Variants in TSPAN17 observed in about 807,000 individuals in gnomAD.
TSPAN17 encodes tetraspanin 17.
TSPAN17 carries 33 observed loss-of-function variants against 40.5 expected under a neutral mutation model. The ratio of observed to expected loss-of-function variants is 0.81; its 90% CI spans 0.62 to 1.09. The LOEUF is 1.09. Ranked by LOEUF, TSPAN17 falls within the 50% of genes least tolerant of loss-of-function variation. The pLI is 0.00. For synonymous variants in TSPAN17, 166 were observed against 169.4 expected, an observed-to-expected ratio of 0.98 and a Z score of 0.15; for missense variants, 365 against 416.8, an observed-to-expected ratio of 0.88 and a Z score of 1.08.
At chr5:176,648,737 C>A (rs1760846054) in intron 1 of TSPAN17, among the ~76,000 whole-genome samples, 1 of 152,218 alleles carries the variant, frequency 6.6e-6, no homozygotes, top group South Asian at 2.1e-4. Context: ...CCTCTCCGGG[C>A]CTCAGCTTGC....
At chr5:176,655,976 A>G (rs1761140720) in intron 5 of TSPAN17, 102 bp from the exon 6 acceptor site, 1 of 1,038,198 alleles carries the variant, frequency 9.6e-7, no homozygotes, top group African/African-American at 1.6e-5. Flanking sequence ...CCACGGGCCC[A>G]TCTGCGTCCT....
At position 176,657,791 on chromosome 5, in the gene TSPAN17, C is replaced by A; in HGVS notation, c.*93C>A. 1 of 1,511,114 alleles carries A rather than the reference C, an allele frequency of 6.6e-7. No homozygotes were observed. Among genetic ancestry groups the A allele is most frequent in the Non-Finnish European group, 8.8e-7 (1 of 1,133,574 alleles). 93.6% of individuals were successfully genotyped at this position (1,511,114 alleles called of 1,614,324 possible). A position where few individuals can be genotyped will look rare whatever the true frequency, so the allele number is the denominator to read the frequency against. On this transcript the variant is annotated 3_prime_UTR_variant, in exon 9 of 9. Transcript: ENST00000508164. ...GGTGGCAACACTACCTGGGACACTG[C>A]CTCCCCAGTCACCAAGGGCCCCAGC...
chr5:176,652,671 G>A, intron 3 of TSPAN17, 72 bp from the exon 4 acceptor site: 2 of 1,492,012 alleles, frequency 1.3e-6, no homozygotes, highest in Non-Finnish European at 1.8e-6. Flanking sequence ...CTTCCCTGTG[G>A]CACACCCAAG....
chr5:176,657,209 C>A (rs970840525), intron 8 of TSPAN17: 3 of 618,398 alleles, frequency 4.9e-6, no homozygotes, highest in Admixed American at 3.0e-5. Context: ...AGGGAGCCAC[C>A]GTCTCGGCTA....
In TSPAN17 at chr5:176,656,278, G is replaced by A. The variant is rs1450558274; in HGVS notation, c.630+153G>A. 7.5e-6 allele frequency: 6 copies of A among 804,988 alleles called. No homozygotes were observed. The Admixed American group carries it at 7.6e-5, about 10-fold the overall frequency. The allele number at this position is 804,988 out of a possible 1,614,324, so 49.9% of individuals were successfully genotyped here. Reference sequence around the variant, plus strand: ...AGCCAGACACCCAGGCAGCGGAGGGGGAGTAGACCCCTGGGCCTGGGCAGA... The same window carrying A: ...AGCCAGACACCCAGGCAGCGGAGGGAGAGTAGACCCCTGGGCCTGGGCAGA... On this transcript the variant is annotated intron_variant, in intron 6 of 8. Coordinates refer to ENST00000508164, the MANE Select transcript of TSPAN17 (RefSeq NM_130465.5).
chr5:176,655,910 AC>A lies in TSPAN17; in HGVS notation c.583-167del, dbSNP rs200741950. 3.7e-3 allele frequency among the ~76,000 whole-genome samples: 541 copies of A among 147,716 alleles called. 1 individual carries two copies. Among genetic ancestry groups the A allele is most frequent in the Middle Eastern group, 7.0e-3 (2 of 286 alleles). On this transcript the variant is annotated intron_variant, in intron 5 of 8. Coordinates refer to ENST00000508164, the MANE Select transcript of TSPAN17 (RefSeq NM_130465.5). ...AGTGAGACCCTGTCTCAAAAAAAAAACAAAAGCACATGGGCCTCAGAGAGGC... is the reference window on the plus strand; with the variant it reads ...AGTGAGACCCTGTCTCAAAAAAAAAAAAAAGCACATGGGCCTCAGAGAGGC...
Position 176,657,841 on chromosome 5 carries a change from C to G in TSPAN17, c.*143C>G. On this transcript the variant is annotated 3_prime_UTR_variant, in exon 9 of 9. Transcript: ENST00000508164. ...CTGGCCCGTTCTACTCACCTAAGTG[C>G]CGCCTGACCCTTGTACACTAGGAGC... The G allele has an allele frequency of 1.4e-6, 2 of 1,420,878 alleles. No individual in the cohort carries two copies. Among genetic ancestry groups the G allele is most frequent in the Non-Finnish European group, 1.9e-6 (2 of 1,070,076 alleles). The allele number at this position is 1,420,878 out of a possible 1,614,324, so 88.0% of individuals were successfully genotyped here. A position where few individuals can be genotyped will look rare whatever the true frequency, so the allele number is the denominator to read the frequency against.
At chr5:176,656,196 C>A (rs1761150909) in intron 6 of TSPAN17, 71 bp downstream of exon 6, 1 of 1,520,572 alleles carries the variant, frequency 6.6e-7, no homozygotes, top group Non-Finnish European at 9.1e-7. Context: ...GTGTCTATAA[C>A]CTCCTCTGGA....
chr5:176,658,492 G>C lies in TSPAN17; in HGVS notation c.*794G>C, dbSNP rs974988595. 7 of 152,266 alleles carry C rather than the reference G, an allele frequency of 4.6e-5. No individual in the cohort carries two copies. Among genetic ancestry groups the C allele is most frequent in the African/African-American group, 1.7e-4 (7 of 41,464 alleles). 9.4% of individuals were successfully genotyped at this position (152,266 alleles called of 1,614,324 possible). Reference sequence around the variant, plus strand: ...GTATAAATGGATGAAACAGGCCCTTGAGTTGGGAGCCTGCTTCACTTTGAC... The same window carrying C: ...GTATAAATGGATGAAACAGGCCCTTCAGTTGGGAGCCTGCTTCACTTTGAC... On this transcript the variant is annotated 3_prime_UTR_variant, in exon 9 of 9. Transcript: ENST00000508164.
chr5:176,655,360 TCA>T (rs1554153360), intron 5 of TSPAN17, among the ~76,000 whole-genome samples: 1 of 152,100 alleles, frequency 6.6e-6, no homozygotes, highest in Non-Finnish European at 1.5e-5. Flanking sequence ...GCTGTCACTC[TCA>T]GTTATGGTTG....
chr5:176,657,361 T>G, intron 8 of TSPAN17, 157 bp from the exon 9 acceptor site: 1 of 1,313,326 alleles, frequency 7.6e-7, no homozygotes, highest in Non-Finnish European at 1.0e-6. Flanking sequence ...TGTGCGTAGC[T>G]GTATGGGGCG....
At position 176,647,717 on chromosome 5, in the gene TSPAN17, T is replaced by C; in HGVS notation, c.87+15T>C. 1 of 1,575,782 alleles carries C rather than the reference T, an allele frequency of 6.3e-7. No individual in the cohort carries two copies. The highest frequency in any genetic ancestry group is 8.6e-7 in the Non-Finnish European group (1 of 1,161,880). The stretch of plus-strand genomic sequence containing the variant: ...TTGTCTTCTGGGTGAGCGCGGGGTC[T>C]GCGCCTTGCCCTGTGCTGGGGGGTG... On this transcript the variant is annotated intron_variant, in intron 1 of 8. Transcript: ENST00000508164.
At chr5:176,648,565 G>A (rs1760838626) in intron 1 of TSPAN17, among the ~76,000 whole-genome samples, 1 of 152,210 alleles carries the variant, frequency 6.6e-6, no homozygotes, top group Non-Finnish European at 1.5e-5. Flanking sequence ...CAGTGGCACT[G>A]CCCCCCACCC....
chr5:176,649,098 G>T (rs1234938852), intron 1 of TSPAN17, among the ~76,000 whole-genome samples: 8 of 152,138 alleles, frequency 5.3e-5, no homozygotes, highest in African/African-American at 1.9e-4. Context: ...TCCAGTGATG[G>T]GTCTGATCTG....
intron 4 of TSPAN17, chr5:176,653,172 G>T (rs1761035556): frequency 1.0e-5 from 4 of 387,078 alleles, no homozygotes; most frequent in Non-Finnish European, 4.8e-6. Flanking sequence ...CCAGGCCAGG[G>T]CCTACGACAC....
At position 176,656,696 on chromosome 5, in the gene TSPAN17, C is replaced by T; in HGVS notation, c.631-4C>T. The T allele has an allele frequency of 3.7e-6, 6 of 1,613,872 alleles. No homozygotes were observed. Among genetic ancestry groups the T allele is most frequent in the Non-Finnish European group, 5.1e-6 (6 of 1,179,834 alleles). On this transcript the variant is annotated splice_polypyrimidine_tract_variant and splice_region_variant and intron_variant, in intron 6 of 8. Transcript: ENST00000508164. Reference sequence around the variant, plus strand: ...GGCTGAGCCTGGTGCCTGCGTGTCCCCAGGAGCTGGAGCAGCAGGGCTTCA... The same window carrying T: ...GGCTGAGCCTGGTGCCTGCGTGTCCTCAGGAGCTGGAGCAGCAGGGCTTCA...
chr5:176,651,840 G>A lies in TSPAN17; in HGVS notation c.225G>A (p.Ser75=). 2.5e-6 allele frequency: 4 copies of A among 1,614,094 alleles called. No homozygotes were observed. The highest frequency in any genetic ancestry group is 1.3e-5 in the African/African-American group (1 of 75,014). Residue 75 remains serine, a synonymous_variant, in exon 3 of 9, where the codon TCG becomes TCA. Transcript: ENST00000508164. The surrounding 1 kb of genome is among the most constrained non-coding windows in gnomAD (Gnocchi z 4.5). ...TTGTGGTAGTTGGAGGCGTCATGTC[G>A]GTGCTGGGCTTTGCTGGCTGCATTG... is the stretch of plus-strand genomic sequence containing the variant. ...WLFVVVGGVM[S]VLGFAGCIGA...
At position 176,656,566 on chromosome 5, in the gene TSPAN17, G is replaced by A. The variant is rs529041611; in HGVS notation, c.631-134G>A. Reference sequence around the variant, plus strand: ...TGCTGAGACCCCATGAGAAGGAGCCGGCTTTGTGGAGGGACTGTGGGGAGC... The same window carrying A: ...TGCTGAGACCCCATGAGAAGGAGCCAGCTTTGTGGAGGGACTGTGGGGAGC... On this transcript the variant is annotated intron_variant, in intron 6 of 8. Coordinates refer to ENST00000508164, the MANE Select transcript of TSPAN17 (RefSeq NM_130465.5). 5.8e-5 allele frequency: 47 copies of A among 817,126 alleles called. No individual in the cohort carries two copies. In the Middle Eastern group the frequency reaches 1.4e-3, roughly 25 times the overall value. 50.6% of individuals were successfully genotyped at this position (817,126 alleles called of 1,614,324 possible).
At chr5:176,653,860 G>T (rs1761055770) in intron 4 of TSPAN17, 1 of 152,246 alleles carries the variant, frequency 6.6e-6, no homozygotes. Flanking sequence ...AGGCCCTGAG[G>T]ATTCGGCGGG....
Sources: gnomAD v4.1 joint callset for allele counts (sites outside exome capture counted in the v4.1 genomes callset) on GRCh38, gnomAD v4.1.1 for gene constraint, Gnocchi (gnomAD v3.1) non-coding constraint, MANE v1.5 for transcripts, NCBI Gene and HGNC (gene_info 2026-07-23, HGNC 2026-07-21) for gene names.